ADAM22: variants seen among roughly 807,000 people sequenced by gnomAD.
ADAM22 encodes ADAM metallopeptidase domain 22.
ADAM22 carries 65 observed loss-of-function variants against 144.6 expected under a neutral mutation model. That is an observed-to-expected ratio of 0.45 (90% CI 0.37 to 0.55). ADAM22 has a LOEUF of 0.55. Among genes scored for constraint, ADAM22 ranks in the 20% least tolerant of loss-of-function variants. The pLI, the probability that ADAM22 is intolerant of heterozygous loss-of-function variation, is 0.00. For synonymous variants in ADAM22, 391 were observed against 412.6 expected (o/e 0.95, Z 0.63); for missense variants, 974 against 1,184.9 (o/e 0.82, Z 2.61).
chr7:87,983,684 AT>A (rs1854261425), intron 3 of ADAM22, among the ~76,000 whole-genome samples: 1 of 152,106 alleles, frequency 6.6e-6, no homozygotes, highest in Non-Finnish European at 1.5e-5. Context: ...GAACTGTATA[AT>A]TTGGTGATAA....
intron 8 of ADAM22, among the ~76,000 whole-genome samples, chr7:88,127,560 T>C (rs1380734004): frequency 6.6e-6 from 1 of 151,964 alleles, no homozygotes; most frequent in African/African-American, 2.4e-5. Context: ...GTATCTATTA[T>C]TCCCTATCAC....
intron 3 of ADAM22, among the ~76,000 whole-genome samples, chr7:87,982,044 C>CATATATATATATAT (rs57982467): frequency 2.7e-5 from 3 of 113,172 alleles, no homozygotes; most frequent in African/African-American, 1.0e-4. Flanking sequence ...ATGTTTATTT[C>CATATATATATATAT]ATATATATAT....
At chr7:87,985,399 G>T (rs1584828581) in intron 3 of ADAM22, among the ~76,000 whole-genome samples, 1 of 152,014 alleles carries the variant, frequency 6.6e-6, no homozygotes, top group African/African-American at 2.4e-5. Flanking sequence ...CCTTTACTGA[G>T]TGGTGCAGCA....
chr7:88,196,114 C>T (rs903996826), intron 31 of ADAM22, among the ~76,000 whole-genome samples: 1 of 152,156 alleles, frequency 6.6e-6, no homozygotes, highest in East Asian at 1.9e-4. Flanking sequence ...CTGGCTGTCT[C>T]AGAATCCTGG....
chr7:88,193,316 G>A (rs1850013061), intron 31 of ADAM22, 77 bp downstream of exon 31: 3 of 1,465,592 alleles, frequency 2.0e-6, no homozygotes, highest in South Asian at 1.4e-5. Flanking sequence ...TTAAAAGAGA[G>A]AACCATTTTT....
intron 3 of ADAM22, among the ~76,000 whole-genome samples, chr7:88,058,583 C>T (rs1808911430): frequency 6.6e-6 from 1 of 152,146 alleles, no homozygotes; most frequent in African/African-American, 2.4e-5. Flanking sequence ...AAAGGGTCTA[C>T]TGTTGGAAAT....
chr7:87,955,957 C>G (rs1034859557), intron 2 of ADAM22, among the ~76,000 whole-genome samples: 1 of 152,202 alleles, frequency 6.6e-6, no homozygotes, highest in Non-Finnish European at 1.5e-5. Context: ...TCTCCTGGTG[C>G]GCCGTTTCCT....
Position 88,196,548 on chromosome 7 carries a change from C to A in ADAM22, c.*57C>A, listed in dbSNP as rs1377846414. ...CTGTTTACTTCAACTTTTATAGAAA[C>A]CCAGGCTCATGGAATCACTGCAAAT... is the stretch of plus-strand genomic sequence containing the variant. On this transcript the variant is annotated 3_prime_UTR_variant, in exon 32 of 32. Coordinates refer to ENST00000413139, the MANE Select transcript of ADAM22 (RefSeq NM_001324418.2). The A allele has an allele frequency of 2.5e-6, 4 of 1,577,212 alleles. No individual in the cohort carries two copies. In the East Asian group the frequency reaches 9.0e-5, roughly 35 times the overall value.
intron 3 of ADAM22, among the ~76,000 whole-genome samples, chr7:87,983,742 T>C (rs1202412850): frequency 6.6e-6 from 1 of 152,156 alleles, no homozygotes; most frequent in Admixed American, 6.5e-5. Context: ...TAATGTTCAT[T>C]GTTAAGTAAG....
Position 88,196,518 on chromosome 7 carries a change from GA to G in ADAM22, c.*31del, listed in dbSNP as rs965857810. 6.2e-7 allele frequency: 1 copy of G among 1,613,390 alleles called. No homozygotes were observed. The highest frequency in any genetic ancestry group is 8.5e-7 in the Non-Finnish European group (1 of 1,179,562). ...ATCAACTGTTTACATGTGATACATC[GA>G]AAACTGTTTACTTCAACTTTTATAG... On this transcript the variant is annotated 3_prime_UTR_variant, in exon 32 of 32. Coordinates refer to ENST00000413139, the MANE Select transcript of ADAM22 (RefSeq NM_001324418.2).
chr7:88,073,592 G>A (rs548654429), intron 3 of ADAM22, among the ~76,000 whole-genome samples: 16 of 152,284 alleles, frequency 1.1e-4, no homozygotes, highest in South Asian at 4.1e-4. Context: ...CTCAAATCAC[G>A]TAATTCACTA....
chr7:88,150,948 G>A, intron 18 of ADAM22, 33 bp from the exon 19 acceptor site: 1 of 1,568,508 alleles, frequency 6.4e-7, no homozygotes, highest in Non-Finnish European at 8.8e-7. Flanking sequence ...ATTTTGCACT[G>A]CATTTCATTC....
At chr7:88,077,885 CCTGCCTG>C (rs1000184558) in intron 4 of ADAM22, among the ~76,000 whole-genome samples, 11 of 152,340 alleles carry the variant, frequency 7.2e-5, no homozygotes, top group African/African-American at 1.9e-4. Flanking sequence ...CTCAAGGAGG[CCTGCCTG>C]CCTCTGTAGG....
chr7:88,133,207 A>G (rs2129500847), intron 12 of ADAM22, among the ~76,000 whole-genome samples: 1 of 152,046 alleles, frequency 6.6e-6, no homozygotes, highest in South Asian at 2.1e-4. Context: ...TATCAAAAAT[A>G]CAAAAATAGG....
At position 87,956,115 on chromosome 7, in the gene ADAM22, G is replaced by T. The variant is rs1050335180; in HGVS notation, c.246+20929G>T. Among the ~76,000 whole-genome samples the T allele has an allele frequency of 2.6e-5, 4 of 152,258 alleles. No individual in the cohort carries two copies. The South Asian group carries it at 6.2e-4, about 24-fold the overall frequency. On this transcript the variant is annotated intron_variant, in intron 2 of 31. Transcript: ENST00000413139. The stretch of plus-strand genomic sequence containing the variant: ...AATGCCTCACCCTGCTTCGGCTGGC[G>T]CACAGTGTGCTGCATCCACTGTCCT...
At chr7:88,154,225 C>A (rs1437422441) in intron 21 of ADAM22, among the ~76,000 whole-genome samples, 1 of 152,210 alleles carries the variant, frequency 6.6e-6, no homozygotes, top group Non-Finnish European at 1.5e-5. Context: ...CACCATTTTG[C>A]TGAATGTCAT....
intron 26 of ADAM22, among the ~76,000 whole-genome samples, chr7:88,177,682 G>T (rs1356934092): frequency 1.3e-5 from 2 of 152,018 alleles, no homozygotes; most frequent in African/African-American, 2.4e-5. Context: ...AATAATATGA[G>T]AGTATTCAAT....
At chr7:88,113,705 T>TAA (rs67396318) in intron 5 of ADAM22, among the ~76,000 whole-genome samples, 2,650 of 66,808 alleles carry the variant, frequency 0.04, 46 homozygotes, top group African/African-American at 0.082. Context: ...AATAAATAAA[T>TAA]ATATATATAT....
chr7:87,953,368 C>G (rs1209539040), intron 2 of ADAM22, among the ~76,000 whole-genome samples: 5 of 152,092 alleles, frequency 3.3e-5, no homozygotes, highest in Non-Finnish European at 1.5e-5. Context: ...TTTCAAAGAA[C>G]ATCTTTATTT....
Sources: gnomAD v4.1 joint callset for allele counts (sites outside exome capture counted in the v4.1 genomes callset) on GRCh38, gnomAD v4.1.1 for gene constraint, MANE v1.5 for transcripts, NCBI Gene and HGNC (gene_info 2026-07-23, HGNC 2026-07-21) for gene names.